ADAMTSL1: variants seen among roughly 807,000 people sequenced by gnomAD.
ADAMTSL1 encodes the protein ADAMTS like 1.
In ADAMTSL1, 126 loss-of-function variants were observed where a neutral mutation model predicts 201.8. The ratio of observed to expected loss-of-function variants is 0.62; its 90% CI spans 0.54 to 0.72. The LOEUF is 0.72. ADAMTSL1 is among the 30% of genes least tolerant of loss of function. The pLI is 0.00. For synonymous variants in ADAMTSL1, 1,121 were observed against 903.4 expected (o/e 1.24, Z -4.32); for missense variants, 2,679 against 2,277.8 (o/e 1.18, Z -3.59).
At chr9:18,505,687 T>C (rs1823085946) in intron 2 of ADAMTSL1, among the ~76,000 whole-genome samples, 1 of 152,260 alleles carries the variant, frequency 6.6e-6, no homozygotes, top group African/African-American at 2.4e-5. Context: ...ACCATGGTAA[T>C]ATTTTTAATG....
chr9:18,407,499 C>A (rs1350627297), intron 2 of ADAMTSL1, among the ~76,000 whole-genome samples: 1 of 152,054 alleles, frequency 6.6e-6, no homozygotes, highest in Non-Finnish European at 1.5e-5. Context: ...ATTGAGTAAA[C>A]CCATGAAGAG....
intron 1 of ADAMTSL1, among the ~76,000 whole-genome samples, chr9:18,055,024 C>T (rs1426014349): frequency 1.3e-5 from 2 of 152,202 alleles, no homozygotes; most frequent in Non-Finnish European, 2.9e-5. Context: ...GAGTGGGTGG[C>T]ACAGGCAGCC....
intron 3 of ADAMTSL1, among the ~76,000 whole-genome samples, chr9:18,547,601 T>TCTC (rs1404782914): frequency 1.4e-5 from 2 of 139,410 alleles, no homozygotes; most frequent in Non-Finnish European, 1.5e-5. Flanking sequence ...TCGAGGAGGC[T>TCTC]CTCTGTTGTG....
intron 7 of ADAMTSL1, among the ~76,000 whole-genome samples, chr9:18,640,592 T>C (rs7863100): frequency 0.21 from 31,752 of 151,960 alleles, 3,491 homozygotes; most frequent in Admixed American, 0.24. Flanking sequence ...GAATAACCCA[T>C]AGGCACAACA....
At chr9:18,886,158 G>GTGTA (rs1386455360) in intron 23 of ADAMTSL1, among the ~76,000 whole-genome samples, 10 of 32,230 alleles carry the variant, frequency 3.1e-4, no homozygotes, top group African/African-American at 2.1e-3. Flanking sequence ...ACATGTGAGT[G>GTGTA]TGTATGTGTA....
intron 23 of ADAMTSL1, among the ~76,000 whole-genome samples, chr9:18,868,700 T>C (rs1344229134): frequency 6.6e-6 from 1 of 152,218 alleles, no homozygotes; most frequent in Non-Finnish European, 1.5e-5. Flanking sequence ...TGCACGTACA[T>C]CTTCAGTTGG....
At chr9:18,787,716 T>C (rs1821784548) in intron 19 of ADAMTSL1, among the ~76,000 whole-genome samples, 1 of 152,198 alleles carries the variant, frequency 6.6e-6, no homozygotes, top group South Asian at 2.1e-4. Context: ...TCTGTCATTA[T>C]AGTGTGAGAG....
At chr9:18,177,824 T>C (rs1828244138) in intron 2 of ADAMTSL1, among the ~76,000 whole-genome samples, 1 of 152,160 alleles carries the variant, frequency 6.6e-6, no homozygotes, top group Admixed American at 6.5e-5. Flanking sequence ...GCCATACAGC[T>C]AGCTTAAGGA....
chr9:18,373,401 C>T (rs879262653), intron 2 of ADAMTSL1, among the ~76,000 whole-genome samples: 12 of 152,116 alleles, frequency 7.9e-5, no homozygotes, highest in East Asian at 1.9e-4. Flanking sequence ...GGATGGGTAG[C>T]GCCTTATAAT....
chr9:17,917,705 A>G (rs1490772185), intron 1 of ADAMTSL1, among the ~76,000 whole-genome samples: 1 of 152,016 alleles, frequency 6.6e-6, no homozygotes. Context: ...TCATAGAATA[A>G]GTCAGAAAAT....
chr9:18,523,197 A>G (rs1008323761), intron 2 of ADAMTSL1, among the ~76,000 whole-genome samples: 8 of 152,148 alleles, frequency 5.3e-5, no homozygotes, highest in Non-Finnish European at 7.4e-5. Flanking sequence ...GCCAGTGATG[A>G]TGAGCATTTT....
chr9:18,622,092 T>A (rs892397344), intron 4 of ADAMTSL1, 151 bp from the exon 5 acceptor site: 2 of 996,520 alleles, frequency 2.0e-6, no homozygotes, highest in East Asian at 5.1e-5. Context: ...CTTAGCTTGA[T>A]TTAAATTCCA....
chr9:18,455,693 G>T (rs1416842430), intron 2 of ADAMTSL1, among the ~76,000 whole-genome samples: 1 of 152,006 alleles, frequency 6.6e-6, no homozygotes, highest in Non-Finnish European at 1.5e-5. Flanking sequence ...TTTTTTAAAA[G>T]CAGTGGTTTT....
intron 16 of ADAMTSL1, among the ~76,000 whole-genome samples, chr9:18,754,450 G>C (rs138132271): frequency 4.5e-4 from 68 of 152,312 alleles, no homozygotes; most frequent in African/African-American, 1.5e-3. Context: ...GGCCACAAAA[G>C]TAAGCATGAA....
At chr9:18,423,442 A>G (rs914678166) in intron 2 of ADAMTSL1, among the ~76,000 whole-genome samples, 1 of 152,228 alleles carries the variant, frequency 6.6e-6, no homozygotes, top group Non-Finnish European at 1.5e-5. Flanking sequence ...TAATGGTTAC[A>G]TAGGTAAACA....
At chr9:18,646,837 G>C (rs1587788080) in intron 7 of ADAMTSL1, among the ~76,000 whole-genome samples, 2 of 151,982 alleles carry the variant, frequency 1.3e-5, no homozygotes, top group African/African-American at 4.8e-5. Flanking sequence ...CAAGGATATT[G>C]GTCTAAAATT....
intron 4 of ADAMTSL1, among the ~76,000 whole-genome samples, chr9:18,608,145 A>G (rs1039387348): frequency 2.9e-4 from 44 of 152,230 alleles, no homozygotes; most frequent in African/African-American, 1.0e-3. Flanking sequence ...CAGTAAGGTT[A>G]GGGTACAGAA....
chr9:18,167,367 G>A lies in ADAMTSL1; in HGVS notation c.207+3386G>A, dbSNP rs181231404. On this transcript the variant is annotated intron_variant, in intron 2 of 29. Transcript: ENST00000680146. Reference sequence around the variant, plus strand: ...TTATTTAAATATTTATACCAATTGAGGGGTTGAGTGTTCCTTTGAATGACT... The same window carrying A: ...TTATTTAAATATTTATACCAATTGAAGGGTTGAGTGTTCCTTTGAATGACT... Among the ~76,000 whole-genome samples the A allele has an allele frequency of 9.3e-4, 142 of 152,018 alleles. 1 individual carries two copies. Among genetic ancestry groups the A allele is most frequent in the African/African-American group, 3.3e-3 (139 of 41,532 alleles).
At chr9:18,590,116 T>C (rs1382092558) in intron 4 of ADAMTSL1, among the ~76,000 whole-genome samples, 1 of 152,090 alleles carries the variant, frequency 6.6e-6, no homozygotes, top group African/African-American at 2.4e-5. Flanking sequence ...CTTTGATTGT[T>C]TTTTTAAATG....
Sources: allele counts gnomAD v4.1 joint callset (sites outside exome capture counted in the v4.1 genomes callset), GRCh38; gene constraint gnomAD v4.1.1; transcripts MANE v1.5; gene names NCBI Gene and HGNC (gene_info 2026-07-23, HGNC 2026-07-21).